Variants in VAC14 observed in about 807,000 individuals in gnomAD.
VAC14 encodes the protein protein VAC14 homolog.
Under a neutral mutation model 85.3 loss-of-function variants are expected in VAC14, and 47 were observed. The observed-to-expected ratio is 0.55, with a 90% CI of 0.44 to 0.70. VAC14 has a LOEUF of 0.70. Among genes scored for constraint, VAC14 ranks in the 30% least tolerant of loss-of-function variants. The pLI is 0.00. For synonymous variants in VAC14, 447 were observed against 430.5 expected, an observed-to-expected ratio of 1.04 and a Z score of -0.47; for missense variants, 861 against 1,004.3, an observed-to-expected ratio of 0.86 and a Z score of 1.93.
At chr16:70,793,339 A>G (rs2034416380) in intron 1 of VAC14, among the ~76,000 whole-genome samples, 1 of 152,226 alleles carries the variant, frequency 6.6e-6, no homozygotes, top group Non-Finnish European at 1.5e-5. Context: ...TACAGGGTCT[A>G]ATTGAAACCT....
At position 70,762,568 on chromosome 16, in the gene VAC14, A is replaced by G; in HGVS notation, c.1343T>C (p.Leu448Pro). The change falls in exon 12 of 19, where the codon CTG becomes CCG. Residue 448 changes from leucine (L) to proline (P), a missense_variant. Around this residue, in one of 3 missense-constraint regions of VAC14, gnomAD observed 629 missense variants for 703.1 expected, o/e 0.89. Transcript: ENST00000261776. This position sits in a 1 kb window ranked among gnomAD's most constrained non-coding sequence, Gnocchi z 4.1. ...ATCCGATTCATCCGATAACGTCTGC[A>G]GTAGGATGGGAAAGAGGCTGTCCGT... ...RHTDSLFPILLQTLSDESDEV... is the reference protein window; with the variant it reads ...RHTDSLFPILPQTLSDESDEV... 2 of 1,614,182 alleles carry G rather than the reference A, an allele frequency of 1.2e-6. No individual in the cohort carries two copies. The highest frequency in any genetic ancestry group is 1.7e-6 in the Non-Finnish European group (2 of 1,180,024).
chr16:70,798,916 T>C (rs1245784501), intron 1 of VAC14, among the ~76,000 whole-genome samples: 2 of 152,222 alleles, frequency 1.3e-5, no homozygotes, highest in Non-Finnish European at 2.9e-5. Context: ...AACAGATACA[T>C]AAACAGAACT....
chr16:70,780,726 C>G, intron 9 of VAC14, 64 bp downstream of exon 9: 1 of 1,517,484 alleles, frequency 6.6e-7, no homozygotes, highest in Non-Finnish European at 8.8e-7. Context: ...CAAGGCAACT[C>G]CTATGACATC....
At chr16:70,726,046 C>T (rs2054418479) in intron 14 of VAC14, among the ~76,000 whole-genome samples, 1 of 152,272 alleles carries the variant, frequency 6.6e-6, no homozygotes, top group South Asian at 2.1e-4. Context: ...TTCAGACTTG[C>T]TCGCTTCCCA....
At chr16:70,782,820 C>G (rs1403573862) in intron 7 of VAC14, among the ~76,000 whole-genome samples, 1 of 152,228 alleles carries the variant, frequency 6.6e-6, no homozygotes, top group East Asian at 1.9e-4. Flanking sequence ...GGTGAAAGGA[C>G]CTCTGTGTCT....
At chr16:70,706,077 C>T (rs1015808140) in intron 14 of VAC14, among the ~76,000 whole-genome samples, 2 of 152,180 alleles carry the variant, frequency 1.3e-5, no homozygotes, top group Non-Finnish European at 2.9e-5. Context: ...TCATTTCCCA[C>T]CCCAGCAGGT....
rs558529239 is a variant in VAC14 at position 70,744,543 on chromosome 16, C to T, written c.1408G>A (p.Ala470Thr). ...LKDLEVLAEI[A>T]SSPAGQTDDP... ...TCCGTCTGGCCTGCGGGGGAGGAAGCGATTTCTGCCAGCACCTCCAGGTCC... is the reference window on the plus strand; with the variant it reads ...TCCGTCTGGCCTGCGGGGGAGGAAGTGATTTCTGCCAGCACCTCCAGGTCC... The change falls in exon 13 of 19, where the codon GCT becomes ACT. Residue 470 changes from alanine (A) to threonine (T), a missense_variant. Transcript: ENST00000261776. 39 of 1,609,126 alleles carry T rather than the reference C, an allele frequency of 2.4e-5. No individual in the cohort carries two copies. The highest frequency in any genetic ancestry group is 8.9e-5 in the East Asian group (4 of 44,818).
chr16:70,700,443 C>T (rs1244662923), intron 14 of VAC14, among the ~76,000 whole-genome samples: 1 of 152,238 alleles, frequency 6.6e-6, no homozygotes, highest in Non-Finnish European at 1.5e-5. Context: ...TCCCCAACTA[C>T]CAGCGGTGTG....
At chr16:70,691,014 C>G (rs2053585803) in intron 18 of VAC14, 1 of 985,358 alleles carries the variant, frequency 1.0e-6, no homozygotes, top group Non-Finnish European at 1.2e-6. Context: ...AGAGCTCACA[C>G]CAGATCCTAC....
At chr16:70,711,257 G>A (rs2054027835) in intron 14 of VAC14, among the ~76,000 whole-genome samples, 1 of 152,198 alleles carries the variant, frequency 6.6e-6, no homozygotes, top group Non-Finnish European at 1.5e-5. Flanking sequence ...CCTGCTGCCT[G>A]CAACTGCCTC....
chr16:70,797,110 T>C (rs1200908739), intron 1 of VAC14, among the ~76,000 whole-genome samples: 1 of 152,178 alleles, frequency 6.6e-6, no homozygotes, highest in Non-Finnish European at 1.5e-5. Flanking sequence ...AACGCATTTG[T>C]TACTATGGGT....
In VAC14 at chr16:70,772,067, G is replaced by A. The variant is rs986918565; in HGVS notation, c.1160+42C>T. On this transcript the variant is annotated intron_variant, in intron 10 of 18. Coordinates refer to ENST00000261776, the MANE Select transcript of VAC14 (RefSeq NM_018052.5). ...CCCGCATCCAGGAAAGATCTAGGCCGCTCGCTTTCCACAAACCTTCTGGCT... is the reference window on the plus strand; with the variant it reads ...CCCGCATCCAGGAAAGATCTAGGCCACTCGCTTTCCACAAACCTTCTGGCT... 2.0e-5 allele frequency: 31 copies of A among 1,589,060 alleles called. 1 individual carries two copies. Among genetic ancestry groups the A allele is most frequent in the South Asian group, 7.7e-5 (7 of 90,346 alleles).
intron 1 of VAC14, among the ~76,000 whole-genome samples, chr16:70,796,676 T>C (rs2034558981): frequency 6.6e-6 from 1 of 152,156 alleles, no homozygotes; most frequent in Non-Finnish European, 1.5e-5. Flanking sequence ...GGGTATACCA[T>C]GGCCAAACCA....
At chr16:70,774,801 T>C (rs1434141447) in intron 9 of VAC14, among the ~76,000 whole-genome samples, 2 of 127,764 alleles carry the variant, frequency 1.6e-5, no homozygotes, top group Non-Finnish European at 3.2e-5. Context: ...TGAAGTGCAA[T>C]GGCATGATCT....
At chr16:70,791,227 A>G (rs1293407336) in intron 1 of VAC14, among the ~76,000 whole-genome samples, 1 of 152,156 alleles carries the variant, frequency 6.6e-6, no homozygotes, top group East Asian at 1.9e-4. Context: ...CCCAGCCCTC[A>G]AAGTTCAGCT....
intron 14 of VAC14, among the ~76,000 whole-genome samples, chr16:70,706,230 T>G (rs1317105493): frequency 6.6e-6 from 1 of 152,218 alleles, no homozygotes; most frequent in Admixed American, 6.5e-5. Flanking sequence ...ATGGGGTTCT[T>G]ACATGGGTGA....
chr16:70,725,531 C>T (rs1450738933), intron 14 of VAC14, among the ~76,000 whole-genome samples: 1 of 151,870 alleles, frequency 6.6e-6, no homozygotes, highest in Non-Finnish European at 1.5e-5. Context: ...CAGCTCCCCA[C>T]TCCACCTATT....
chr16:70,759,988 C>T (rs1041534199), intron 12 of VAC14, among the ~76,000 whole-genome samples: 2 of 152,172 alleles, frequency 1.3e-5, no homozygotes, highest in South Asian at 2.1e-4. Flanking sequence ...GACGACTCCC[C>T]GCAGAGAACC....
chr16:70,715,533 C>A (rs375777288), intron 14 of VAC14: 1 of 152,392 alleles, frequency 6.6e-6, no homozygotes, highest in Non-Finnish European at 1.5e-5. Context: ...CCTGCCGCCC[C>A]CTGGGTGAAA....
Sources: gnomAD v4.1 joint callset for allele counts (sites outside exome capture counted in the v4.1 genomes callset) on GRCh38, gnomAD v4.1.1 for gene constraint, gnomAD v4.1.1 regional missense constraint, Gnocchi (gnomAD v3.1) non-coding constraint, MANE v1.5 for transcripts, NCBI Gene and HGNC (gene_info 2026-07-23, HGNC 2026-07-21) for gene names.